NAV2: variants seen among roughly 807,000 people sequenced by gnomAD.
NAV2 encodes neuron navigator 2, also known as helicase, APC down-regulated 1.
NAV2 carries 54 observed loss-of-function variants against 223.2 expected under a neutral mutation model. That is an observed-to-expected ratio of 0.24 (90% CI 0.19 to 0.30). The LOEUF (loss-of-function observed/expected upper bound fraction) is 0.30. NAV2 is among the 10% of genes least tolerant of loss of function. The pLI is 1.00. For synonymous variants in NAV2, 1,279 were observed against 1,239.3 expected (o/e 1.03, Z -0.67); for missense variants, 2,806 against 3,147.5 (o/e 0.89, Z 2.60).
Position 20,093,162 on chromosome 11 carries a change from T to C in NAV2, c.5879T>C (p.Ile1960Thr), listed in dbSNP as rs1248692576. 6.2e-7 allele frequency: 1 copy of C among 1,614,046 alleles called. No individual in the cohort carries two copies. The highest frequency in any genetic ancestry group is 2.2e-5 in the East Asian group (1 of 44,870). Residue 1960 changes from isoleucine to threonine, a missense_variant, in exon 29 of 38, where the codon ATA (isoleucine) becomes ACA (threonine). Transcript: ENST00000349880. ...ARKEGGRHVK[I>T]VVSFQEEMKW... ...AAGGAAGGAGGCAGGCATGTTAAGA[T>C]AGTTGTCAGCTTTCAGGAGGAAATG...
intron 3 of NAV2, among the ~76,000 whole-genome samples, chr11:19,854,288 G>T (rs995009551): frequency 6.6e-6 from 1 of 152,110 alleles, no homozygotes; most frequent in African/African-American, 2.4e-5. Context: ...ACGTTGTAAG[G>T]CATGGTTAGC....
chr11:19,927,520 T>G (rs1317187632), intron 6 of NAV2, among the ~76,000 whole-genome samples: 2 of 152,140 alleles, frequency 1.3e-5, no homozygotes, highest in African/African-American at 4.8e-5. Flanking sequence ...AGGTGGAGGT[T>G]GCAGTGAGCA....
intron 1 of NAV2, among the ~76,000 whole-genome samples, chr11:19,369,635 A>G (rs17593306): frequency 0.087 from 13,222 of 152,156 alleles, 575 homozygotes; most frequent in Middle Eastern, 0.15. Context: ...GTTCACTAAC[A>G]TTTTATTGTA....
At chr11:19,529,163 T>G (rs2043945604) in intron 1 of NAV2, among the ~76,000 whole-genome samples, 1 of 152,204 alleles carries the variant, frequency 6.6e-6, no homozygotes, top group African/African-American at 2.4e-5. Context: ...TGTCTTTATT[T>G]TTCTCATGTT....
At chr11:19,579,236 A>T (rs1439108149) in intron 1 of NAV2, among the ~76,000 whole-genome samples, 1 of 152,338 alleles carries the variant, frequency 6.6e-6, no homozygotes, top group East Asian at 1.9e-4. Context: ...TCAATTGTCA[A>T]ATGGATATAA....
rs770201689 is a variant in NAV2 at position 20,036,055 on chromosome 11, T to C, written c.2865T>C (p.Tyr955=). 6.2e-7 allele frequency: 1 copy of C among 1,614,202 alleles called. No individual in the cohort carries two copies. The highest frequency in any genetic ancestry group is 1.1e-5 in the South Asian group (1 of 91,084). The change falls in exon 12 of 38, where the codon TAT becomes TAC. Residue 955 remains tyrosine (Y), a synonymous_variant. Coordinates refer to ENST00000349880, the MANE Select transcript of NAV2 (RefSeq NM_145117.5). ...DINTSSSISS[Y]ANTPASSRKN... The stretch of plus-strand genomic sequence containing the variant: ...ACACCAGCTCCTCCATCAGCTCTTA[T>C]GCCAACACACCTGCCTCCTCTCGAA...
rs956604908 is a variant in NAV2 at position 19,836,381 on chromosome 11, C to A, written c.385+3780C>A. ...GACCATCCTGGCTAACAAGGTGAAA[C>A]CCCGTCTCTACTAAAAATACAAAAA... On this transcript the variant is annotated intron_variant, in intron 2 of 37. Transcript: ENST00000349880. Among the ~76,000 whole-genome samples, 29 of 151,792 alleles carry A rather than the reference C, an allele frequency of 1.9e-4. 1 individual carries two copies. The highest frequency in any genetic ancestry group is 6.8e-3 in the Middle Eastern group (2 of 294).
intron 1 of NAV2, among the ~76,000 whole-genome samples, chr11:19,722,824 A>G (rs368467100): frequency 3.9e-5 from 6 of 152,314 alleles, no homozygotes; most frequent in African/African-American, 1.4e-4. Context: ...GGAGACAGAG[A>G]CACAGAGTGG....
chr11:19,967,162 G>A (rs1033337033), intron 10 of NAV2, among the ~76,000 whole-genome samples: 8 of 152,064 alleles, frequency 5.3e-5, no homozygotes, highest in Non-Finnish European at 8.8e-5. Flanking sequence ...TAAAGGGTGC[G>A]GCCAGTTTCA....
At chr11:20,055,603 G>A (rs1156659827) in intron 18 of NAV2, among the ~76,000 whole-genome samples, 166 bp from the exon 19 acceptor site, 13 of 152,132 alleles carry the variant, frequency 8.5e-5, no homozygotes, top group East Asian at 7.7e-4. Context: ...TTTAGCTCCC[G>A]GTGTGTAACT....
At chr11:20,081,732 T>C (rs2060105722) in intron 25 of NAV2, among the ~76,000 whole-genome samples, 1 of 152,190 alleles carries the variant, frequency 6.6e-6, no homozygotes, top group Admixed American at 6.5e-5. Context: ...AAAAATCTCA[T>C]CAGTTTTTAG....
intron 1 of NAV2, among the ~76,000 whole-genome samples, chr11:19,789,201 TTTC>T (rs1479069169): frequency 6.6e-6 from 1 of 152,202 alleles, no homozygotes; most frequent in African/African-American, 2.4e-5. Flanking sequence ...AGAAGCTAGT[TTTC>T]TTCTTTAGCT....
intron 1 of NAV2, among the ~76,000 whole-genome samples, chr11:19,501,869 T>C (rs1207811956): frequency 1.3e-5 from 2 of 152,134 alleles, no homozygotes; most frequent in Admixed American, 6.6e-5. Flanking sequence ...GTGGCATTCG[T>C]TGGGTGGCCC....
At chr11:19,794,846 C>A (rs2057781685) in intron 1 of NAV2, among the ~76,000 whole-genome samples, 1 of 152,172 alleles carries the variant, frequency 6.6e-6, no homozygotes, top group South Asian at 2.1e-4. Context: ...AGTTAATATT[C>A]ATTTATTTGA....
intron 1 of NAV2, among the ~76,000 whole-genome samples, chr11:19,352,648 T>C (rs1292646107): frequency 3.9e-5 from 6 of 152,258 alleles, no homozygotes; most frequent in Non-Finnish European, 1.5e-5. Context: ...TAATGATATA[T>C]GTAAGATCCA....
At position 20,026,182 on chromosome 11, in the gene NAV2, C is replaced by T. The variant is rs188896880; in HGVS notation, c.2769-9777C>T. On this transcript the variant is annotated intron_variant, in intron 11 of 37. Coordinates refer to ENST00000349880, the MANE Select transcript of NAV2 (RefSeq NM_145117.5). Reference sequence around the variant, plus strand: ...ATTTGCTGGGGTTAGTGACTACATTCTGTCCTTGCATTAATTCCAGTTTAG... The same window carrying T: ...ATTTGCTGGGGTTAGTGACTACATTTTGTCCTTGCATTAATTCCAGTTTAG... Among the ~76,000 whole-genome samples, 85 of 152,338 alleles carry T rather than the reference C, an allele frequency of 5.6e-4. No homozygotes were observed. The Middle Eastern group carries it at 0.01, about 18-fold the overall frequency.
At chr11:19,656,163 T>C (rs973581163) in intron 1 of NAV2, among the ~76,000 whole-genome samples, 1 of 152,168 alleles carries the variant, frequency 6.6e-6, no homozygotes, top group Non-Finnish European at 1.5e-5. Context: ...GCTATCTAAA[T>C]AGCAGATAGA....
Position 20,016,308 on chromosome 11 carries a change from C to T in NAV2, c.2769-19651C>T, listed in dbSNP as rs1191011713. Reference sequence around the variant, plus strand: ...TGCTGGCACCCACATGGTCCTGTTCCTTAGCTGTCTTTAAGGTTTTGTTAA... The same window carrying T: ...TGCTGGCACCCACATGGTCCTGTTCTTTAGCTGTCTTTAAGGTTTTGTTAA... On this transcript the variant is annotated intron_variant, in intron 11 of 37. Transcript: ENST00000349880. 2.6e-5 allele frequency among the ~76,000 whole-genome samples: 4 copies of T among 152,178 alleles called. No individual in the cohort carries two copies. In the East Asian group the frequency reaches 7.7e-4, roughly 29 times the overall value.
At chr11:19,888,244 C>T (rs2041195683) in intron 5 of NAV2, among the ~76,000 whole-genome samples, 1 of 152,116 alleles carries the variant, frequency 6.6e-6, no homozygotes, top group Non-Finnish European at 1.5e-5. Flanking sequence ...GGTCAAGTTC[C>T]TCTTGGGAAG....
Sources: gnomAD v4.1 joint callset for allele counts (sites outside exome capture counted in the v4.1 genomes callset) on GRCh38, gnomAD v4.1.1 for gene constraint, MANE v1.5 for transcripts, NCBI Gene and HGNC (gene_info 2026-07-23, HGNC 2026-07-21) for gene names.